DMXL1: variants seen among roughly 807,000 people sequenced by gnomAD.
The protein encoded by DMXL1 is dmX-like protein 1.
A neutral mutation model predicts 319.2 loss-of-function variants in DMXL1; 99 were observed. The ratio of observed to expected loss-of-function variants is 0.31; its 90% CI spans 0.26 to 0.37. DMXL1 has a LOEUF of 0.37. Among genes scored for constraint, DMXL1 ranks in the 10% least tolerant of loss-of-function variants. The pLI is 1.00. For synonymous variants in DMXL1, 1,385 were observed against 1,235.2 expected (o/e 1.12, Z -2.54); for missense variants, 3,745 against 3,595.6 (o/e 1.04, Z -1.06).
intron 29 of DMXL1, among the ~76,000 whole-genome samples, chr5:119,191,141 T>C (rs996646363): frequency 6.6e-5 from 10 of 152,334 alleles, no homozygotes; most frequent in East Asian, 1.9e-4. Flanking sequence ...ATTTGTAACT[T>C]TTCCCATTGA....
chr5:119,143,463 A>G (rs1409195943), intron 13 of DMXL1, among the ~76,000 whole-genome samples: 4 of 152,054 alleles, frequency 2.6e-5, no homozygotes, highest in African/African-American at 7.2e-5. Context: ...AGAGATCAGC[A>G]TATTTGAATA....
At chr5:119,154,090 TGATCAGCCATTC>T (rs1387712301) in intron 19 of DMXL1, among the ~76,000 whole-genome samples, 10 of 152,362 alleles carry the variant, frequency 6.6e-5, no homozygotes, top group Middle Eastern at 3.4e-3. Flanking sequence ...GCTACAACAC[TGATCAGCCATTC>T]CCCTGTATTT....
rs1462420251 is a variant in DMXL1, at chr5:119,244,409, C to T, written c.8755C>T (p.His2919Tyr). Residue 2919 changes from histidine to tyrosine, a missense_variant, in exon 43 of 44, where the codon CAT (histidine) becomes TAT (tyrosine). By Grantham distance (83) the His-to-Tyr change is moderately conservative (BLOSUM62 2). Around this residue, in one of 4 missense-constraint regions of DMXL1, gnomAD observed 262 missense variants for 320.5 expected, o/e 0.82. Coordinates refer to ENST00000539542, the MANE Select transcript of DMXL1 (RefSeq NM_001290321.3). ...CACAGTTTTAGCATATGCTCCAAAA[C>T]ATCAGCTACTAATATCAGGTGGCAG... ...GATVLAYAPK[H>Y]QLLISGGRKG... is the part of the protein sequence containing the mutation. 1.2e-6 allele frequency: 2 copies of T among 1,613,886 alleles called. No individual in the cohort carries two copies. The highest frequency in any genetic ancestry group is 1.7e-6 in the Non-Finnish European group (2 of 1,179,984).
At chr5:119,121,869 C>CT (rs1176515263) in intron 9 of DMXL1, among the ~76,000 whole-genome samples, 14 of 150,210 alleles carry the variant, frequency 9.3e-5, no homozygotes, top group Non-Finnish European at 1.6e-4. Context: ...CGGGCAGAGG[C>CT]GCCCCTCACC....
At chr5:119,236,624 TC>T (rs1787804629) in intron 39 of DMXL1, 2 of 152,002 alleles carry the variant, frequency 1.3e-5, no homozygotes, top group African/African-American at 2.4e-5. Context: ...TTTTGAATAC[TC>T]ATAGAAACAA....
chr5:119,237,197 T>G, intron 39 of DMXL1, 125 bp from the exon 40 acceptor site: 2 of 511,160 alleles, frequency 3.9e-6, no homozygotes, highest in Non-Finnish European at 6.9e-6. Context: ...ATAGGTGAAG[T>G]GAAAAATCAC....
At chr5:119,116,093 T>C (rs763469646) in intron 6 of DMXL1, 65 bp from the exon 7 acceptor site, 466 of 1,451,158 alleles carry the variant, frequency 3.2e-4, no homozygotes, top group Non-Finnish European at 4.2e-4. Context: ...TTCTTACTTT[T>C]GCTATTTGAT....
chr5:119,088,259 A>G (rs137896121), intron 1 of DMXL1, among the ~76,000 whole-genome samples: 4 of 152,330 alleles, frequency 2.6e-5, no homozygotes, highest in South Asian at 4.2e-4. Context: ...TGATGTAAGT[A>G]TAGCTAGTCA....
chr5:119,152,051 A>G lies in DMXL1; in HGVS notation c.4702+15A>G. ...CCTTCACCAAGGTGATTTTGATAGTAATCTATTAAAGGGAAATAAAGCGAG... is the reference window on the plus strand; with the variant it reads ...CCTTCACCAAGGTGATTTTGATAGTGATCTATTAAAGGGAAATAAAGCGAG... On this transcript the variant is annotated intron_variant, in intron 19 of 43. Transcript: ENST00000539542. 7 of 1,552,738 alleles carry G rather than the reference A, an allele frequency of 4.5e-6. No individual in the cohort carries two copies. The highest frequency in any genetic ancestry group is 5.3e-6 in the Non-Finnish European group (6 of 1,125,998).
Position 119,216,971 on chromosome 5 carries a change from C to T in DMXL1, c.7997C>T (p.Ala2666Val). The change falls in exon 35 of 44, where the codon GCG (alanine) becomes GTG (valine). Residue 2666 changes from alanine to valine, a missense_variant. Ala to Val is a moderately conservative substitution (Grantham distance 64). Coordinates refer to ENST00000539542, the MANE Select transcript of DMXL1 (RefSeq NM_001290321.3). ...IIHKESDIIT[A>V]FAVNKANRNC... ...CATAAGGAATCTGATATCATTACTGCGTTTGCTGTTAATAAGGTAAGTACA... is the reference window on the plus strand; with the variant it reads ...CATAAGGAATCTGATATCATTACTGTGTTTGCTGTTAATAAGGTAAGTACA... 6.3e-7 allele frequency: 1 copy of T among 1,585,718 alleles called. No individual in the cohort carries two copies. Among genetic ancestry groups the T allele is most frequent in the Non-Finnish European group, 8.6e-7 (1 of 1,162,682 alleles).
At chr5:119,111,529 T>C (rs1182566119) in intron 5 of DMXL1, among the ~76,000 whole-genome samples, 1 of 152,230 alleles carries the variant, frequency 6.6e-6, no homozygotes, top group Non-Finnish European at 1.5e-5. Flanking sequence ...TTATGTTATA[T>C]TGCTGTTCGA....
chr5:119,168,590 A>G (rs1773907549), intron 23 of DMXL1, among the ~76,000 whole-genome samples: 1 of 152,196 alleles, frequency 6.6e-6, no homozygotes, highest in African/African-American at 2.4e-5. Context: ...TAAACCTTTG[A>G]GAAAGCTGTG....
At chr5:119,092,642 ACTGT>A (rs1332345371) in intron 1 of DMXL1, among the ~76,000 whole-genome samples, 1 of 152,100 alleles carries the variant, frequency 6.6e-6, no homozygotes. Flanking sequence ...ATTACCAATC[ACTGT>A]CTATTTGCCA....
rs780065835 is a variant in DMXL1 at position 119,146,819 on chromosome 5, T to C, written c.2570-18T>C. ...TTTTACACATAGTAACAGTGAAAAA[T>C]ATCATTAATACCAACAGGCAGCTCA... is the stretch of plus-strand genomic sequence containing the variant. On this transcript the variant is annotated intron_variant, in intron 15 of 43. Transcript: ENST00000539542. 8.1e-6 allele frequency: 13 copies of C among 1,602,320 alleles called. No individual in the cohort carries two copies. The highest frequency in any genetic ancestry group is 1.1e-5 in the South Asian group (1 of 89,112).
chr5:119,114,932 T>C (rs1760507191), intron 6 of DMXL1, among the ~76,000 whole-genome samples: 2 of 152,302 alleles, frequency 1.3e-5, no homozygotes, highest in Admixed American at 1.3e-4. Context: ...CCTCCCAAAG[T>C]GCTGAGATTA....
intron 34 of DMXL1, 89 bp from the exon 35 acceptor site, chr5:119,216,812 T>C: frequency 7.0e-6 from 5 of 715,910 alleles, no homozygotes; most frequent in Non-Finnish European, 9.6e-6. Flanking sequence ...TAAAATAATT[T>C]ATGCAAGTAC....
intron 20 of DMXL1, 116 bp downstream of exon 20, chr5:119,164,792 T>C: frequency 1.2e-6 from 1 of 854,742 alleles, no homozygotes; most frequent in Non-Finnish European, 1.8e-6. Context: ...GCAAAAGGCT[T>C]TTGAATAGTC....
chr5:119,194,871 A>G (rs2150397871), intron 30 of DMXL1, among the ~76,000 whole-genome samples: 1 of 152,320 alleles, frequency 6.6e-6, no homozygotes, highest in South Asian at 2.1e-4. Flanking sequence ...CCCAGGCAAC[A>G]TGGCAAAACC....
intron 43 of DMXL1, 84 bp downstream of exon 43, chr5:119,244,660 A>G (rs574650994): frequency 4.4e-6 from 4 of 900,916 alleles, no homozygotes; most frequent in African/African-American, 3.4e-5. Flanking sequence ...ACATCAATCT[A>G]TTTAAATAAT....
Sources: gnomAD v4.1 joint callset for allele counts (sites outside exome capture counted in the v4.1 genomes callset) on GRCh38, gnomAD v4.1.1 for gene constraint, gnomAD v4.1.1 regional missense constraint, MANE v1.5 for transcripts, NCBI Gene and HGNC (gene_info 2026-07-23, HGNC 2026-07-21) for gene names.